The following SOCS5 variants were observed in gnomAD, a reference collection of about 807,000 sequenced individuals.
The protein encoded by SOCS5 is CIS-6.
SOCS5 carries 32 observed loss-of-function variants against 42.8 expected under a neutral mutation model. The observed-to-expected ratio is 0.75, with a 90% CI of 0.56 to 1.01. The LOEUF is 1.01. Among genes scored for constraint, SOCS5 ranks in the 50% least tolerant of loss-of-function variants. SOCS5 has a pLI of 0.00. For synonymous variants in SOCS5, 283 were observed against 229.6 expected (o/e 1.23, Z -2.10); for missense variants, 627 against 653.0 (o/e 0.96, Z 0.43).
At position 46,758,989 on chromosome 2, in the gene SOCS5, G is replaced by A. The variant is rs771763816; in HGVS notation, c.459G>A (p.Glu153=). 1.2e-5 allele frequency: 20 copies of A among 1,613,882 alleles called. No homozygotes were observed. The highest frequency in any genetic ancestry group is 1.7e-5 in the Non-Finnish European group (20 of 1,179,866). Residue 153 remains glutamate, a synonymous_variant, in exon 2 of 2, where the codon GAG becomes GAA. Coordinates refer to ENST00000394861, the MANE Select transcript of SOCS5 (RefSeq NM_144949.3). ...GRTRSGLQRR[E]RRYGVSSVHD... Reference sequence around the variant, plus strand: ...CTCGAAGTGGACTTCAAAGGAGAGAGAGGCGCTACGGCGTAAGTTCTGTAC... The same window carrying A: ...CTCGAAGTGGACTTCAAAGGAGAGAAAGGCGCTACGGCGTAAGTTCTGTAC...
At chr2:46,736,539 A>G (rs372985942) in intron 1 of SOCS5, among the ~76,000 whole-genome samples, 2 of 152,154 alleles carry the variant, frequency 1.3e-5, no homozygotes, top group African/African-American at 4.8e-5. Context: ...CTATGAATTT[A>G]TTACTCTAGG....
At chr2:46,705,466 A>G (rs1431032515) in intron 1 of SOCS5, among the ~76,000 whole-genome samples, 2 of 152,228 alleles carry the variant, frequency 1.3e-5, no homozygotes, top group East Asian at 1.9e-4. Context: ...TGAGGTCACA[A>G]AAGTCTTCTG....
chr2:46,706,911 G>C (rs543473484), intron 1 of SOCS5, among the ~76,000 whole-genome samples: 1 of 152,282 alleles, frequency 6.6e-6, no homozygotes, highest in African/African-American at 2.4e-5. Flanking sequence ...ATATAAGAAA[G>C]TACCAACGGC....
In SOCS5 at chr2:46,760,577, T is replaced by A. The variant is rs1244411174; in HGVS notation, c.*436T>A. 5.8e-6 allele frequency: 1 copy of A among 171,340 alleles called. No individual in the cohort carries two copies. The highest frequency in any genetic ancestry group is 2.0e-4 in the South Asian group (1 of 5,092). 10.6% of individuals were successfully genotyped at this position (171,340 alleles called of 1,614,324 possible). ...AAAGTCGTGATGTTTGTAGTTACTATAAATCAAGCTTTGGAAGTCCAAAAA... is the reference window on the plus strand; with the variant it reads ...AAAGTCGTGATGTTTGTAGTTACTAAAAATCAAGCTTTGGAAGTCCAAAAA... On this transcript the variant is annotated 3_prime_UTR_variant, in exon 2 of 2. Coordinates refer to ENST00000394861, the MANE Select transcript of SOCS5 (RefSeq NM_144949.3).
At chr2:46,734,043 G>C (rs1468707836) in intron 1 of SOCS5, among the ~76,000 whole-genome samples, 3 of 152,124 alleles carry the variant, frequency 2.0e-5, no homozygotes, top group Non-Finnish European at 4.4e-5. Flanking sequence ...GGGACTTCTT[G>C]GAATTTTCTG....
At chr2:46,726,065 G>C (rs1672983363) in intron 1 of SOCS5, among the ~76,000 whole-genome samples, 1 of 151,322 alleles carries the variant, frequency 6.6e-6, no homozygotes. Context: ...GATATGTCTG[G>C]GCATGGATTT....
chr2:46,761,919 C>T lies in SOCS5; in HGVS notation c.*1778C>T, dbSNP rs1673879535. The T allele has an allele frequency of 6.0e-6, 1 of 166,916 alleles. No homozygotes were observed. The highest frequency in any genetic ancestry group is 1.9e-4 in the East Asian group (1 of 5,200). 10.3% of individuals were successfully genotyped at this position (166,916 alleles called of 1,614,324 possible). A position where few individuals can be genotyped will look rare whatever the true frequency, so the allele number is the denominator to read the frequency against. On this transcript the variant is annotated 3_prime_UTR_variant, in exon 2 of 2. Transcript: ENST00000394861. The stretch of plus-strand genomic sequence containing the variant: ...TCTGCTTATAAATGAAAGATTGAAA[C>T]TATCCAATGACATATTATAGTAAAT...
At chr2:46,747,554 C>T (rs1182570698) in intron 1 of SOCS5, among the ~76,000 whole-genome samples, 5 of 152,030 alleles carry the variant, frequency 3.3e-5, no homozygotes, top group African/African-American at 1.2e-4. Context: ...CATGTGTTCC[C>T]TTTTTTATGT....
chr2:46,751,485 A>G lies in SOCS5; in HGVS notation c.-12-7034A>G, dbSNP rs1673621543. 9.2e-5 allele frequency among the ~76,000 whole-genome samples: 14 copies of G among 152,242 alleles called. No homozygotes were observed. The South Asian group carries it at 2.5e-3, about 27-fold the overall frequency. On this transcript the variant is annotated intron_variant, in intron 1 of 1. Transcript: ENST00000394861. ...TTTTTATTATAAGAGAAGATTATGT[A>G]CAGGTTTTGCATAAAAGAAAACATG...
At chr2:46,732,638 A>G (rs1673151653) in intron 1 of SOCS5, among the ~76,000 whole-genome samples, 1 of 152,242 alleles carries the variant, frequency 6.6e-6, no homozygotes, top group South Asian at 2.1e-4. Context: ...ACTATTTCCC[A>G]GTGCTGATTT....
chr2:46,753,144 T>C (rs1673661318), intron 1 of SOCS5, among the ~76,000 whole-genome samples: 1 of 152,232 alleles, frequency 6.6e-6, no homozygotes, highest in Non-Finnish European at 1.5e-5. Flanking sequence ...CATGTCATGC[T>C]CATTTCTGCT....
Position 46,758,687 on chromosome 2 carries a change from C to T in SOCS5, c.157C>T (p.Gln53Ter). ...KNISIGDSTP[Q>*]QQSSPLRENI... ...CATCAGCATAGGAGACTCAACTCCT[C>T]AGCAACAAAGCAGTCCCTTAAGAGA... Residue 53 changes from glutamine (Q) to a stop codon, truncating the protein, a stop_gained, in exon 2 of 2, where the codon CAG becomes TAG. Coordinates refer to ENST00000394861, the MANE Select transcript of SOCS5 (RefSeq NM_144949.3). LOFTEE classifies it high-confidence loss of function. 6.2e-7 allele frequency: 1 copy of T among 1,614,110 alleles called. No homozygotes were observed. The highest frequency in any genetic ancestry group is 8.5e-7 in the Non-Finnish European group (1 of 1,179,988).
Position 46,759,471 on chromosome 2 carries a change from G to A in SOCS5, c.941G>A (p.Ser314Asn), listed in dbSNP as rs1255940093. 1.9e-6 allele frequency: 3 copies of A among 1,613,866 alleles called. No homozygotes were observed. The African/African-American group carries it at 4.0e-5, about 22-fold the overall frequency. ...GGAATGACTGAAATAAGTGGGGACA[G>A]TTCTGCAATTCCACAAGCTAATTGT... ...APGMTEISGD[S>N]SAIPQANCDS... Residue 314 changes from serine (S) to asparagine (N), a missense_variant, in exon 2 of 2, where the codon AGT becomes AAT. Ser to Asn is a conservative substitution (Grantham distance 46, BLOSUM62 1). This residue lies in a region of SOCS5 where 340 missense variants were observed against 367.6 expected (regional missense o/e 0.92). Transcript: ENST00000394861.
At chr2:46,708,652 G>C (rs7594523) in intron 1 of SOCS5, among the ~76,000 whole-genome samples, 47,900 of 151,972 alleles carry the variant, frequency 0.32, 8,019 homozygotes, top group Non-Finnish European at 0.37. Flanking sequence ...AAAAAATGTA[G>C]AAAAATATTT....
At chr2:46,725,326 C>G (rs1672968145) in intron 1 of SOCS5, among the ~76,000 whole-genome samples, 1 of 151,850 alleles carries the variant, frequency 6.6e-6, no homozygotes. Context: ...ATAATTTTGT[C>G]TTTTATTGGT....
At chr2:46,753,258 A>G (rs1052403864) in intron 1 of SOCS5, among the ~76,000 whole-genome samples, 2 of 152,072 alleles carry the variant, frequency 1.3e-5, no homozygotes, top group South Asian at 2.1e-4. Flanking sequence ...CTCCTCAGAA[A>G]AGTCTTCCTT....
In SOCS5 at chr2:46,761,846, T is replaced by G. The variant is rs1457671400; in HGVS notation, c.*1705T>G. The G allele has an allele frequency of 1.2e-5, 2 of 166,892 alleles. No individual in the cohort carries two copies. Among genetic ancestry groups the G allele is most frequent in the East Asian group, 3.8e-4 (2 of 5,202 alleles). 10.3% of individuals were successfully genotyped at this position (166,892 alleles called of 1,614,324 possible). On this transcript the variant is annotated 3_prime_UTR_variant, in exon 2 of 2. Coordinates refer to ENST00000394861, the MANE Select transcript of SOCS5 (RefSeq NM_144949.3). ...AGTTACTGCAAATTACTGTACAGTT[T>G]AGGTTATAACAGAAAACTGACAGAG...
At chr2:46,711,277 A>G (rs1023937188) in intron 1 of SOCS5, among the ~76,000 whole-genome samples, 3 of 152,172 alleles carry the variant, frequency 2.0e-5, no homozygotes, top group African/African-American at 7.2e-5. Flanking sequence ...CCCACTAGCA[A>G]TCTATGAGAG....
At chr2:46,715,822 T>TA (rs1445696256) in intron 1 of SOCS5, among the ~76,000 whole-genome samples, 4 of 152,200 alleles carry the variant, frequency 2.6e-5, no homozygotes, top group African/African-American at 4.8e-5. Context: ...TCTGTGGGTG[T>TA]ATTGTATTCA....
Sources: gnomAD v4.1 joint callset for allele counts (sites outside exome capture counted in the v4.1 genomes callset) on GRCh38, gnomAD v4.1.1 for gene constraint, gnomAD v4.1.1 regional missense constraint, MANE v1.5 for transcripts, NCBI Gene and HGNC (gene_info 2026-07-23, HGNC 2026-07-21) for gene names.